Variants in MAGI2 observed in about 807,000 individuals in gnomAD.
MAGI2 encodes membrane associated guanylate kinase, WW and PDZ domain containing 2.
A neutral mutation model predicts 133.3 loss-of-function variants in MAGI2; 35 were observed. The observed-to-expected ratio is 0.26, with a 90% CI of 0.20 to 0.35. The LOEUF is 0.35. Ranked by LOEUF, MAGI2 falls within the 10% of genes least tolerant of loss-of-function variation. The pLI, the probability that MAGI2 is intolerant of heterozygous loss-of-function variation, is 1.00. For synonymous variants in MAGI2, 729 were observed against 710.6 expected (o/e 1.03, Z -0.41); for missense variants, 1,636 against 1,863.4 (o/e 0.88, Z 2.25).
At chr7:78,567,301 C>T (rs925262811) in intron 3 of MAGI2, among the ~76,000 whole-genome samples, 2 of 151,808 alleles carry the variant, frequency 1.3e-5, no homozygotes, top group Non-Finnish European at 1.5e-5. Flanking sequence ...TGCTCTATTC[C>T]AAGTAATAAC....
chr7:78,257,119 T>C (rs1333366079), intron 9 of MAGI2, among the ~76,000 whole-genome samples: 3 of 152,178 alleles, frequency 2.0e-5, no homozygotes, highest in African/African-American at 7.2e-5. Context: ...AGCTTCCATG[T>C]ATATGCGAGC....
chr7:79,141,591 A>G (rs1424632377), intron 1 of MAGI2, among the ~76,000 whole-genome samples: 3 of 152,160 alleles, frequency 2.0e-5, no homozygotes, highest in Admixed American at 2.0e-4. Flanking sequence ...TCAAAAGTCA[A>G]TAATTATTAA....
chr7:78,779,984 C>T (rs1270229909), intron 2 of MAGI2, among the ~76,000 whole-genome samples: 2 of 152,186 alleles, frequency 1.3e-5, no homozygotes, highest in Non-Finnish European at 2.9e-5. Flanking sequence ...ACTATGCTGC[C>T]ACCCTCTGGG....
intron 20 of MAGI2, among the ~76,000 whole-genome samples, chr7:78,087,145 T>C (rs1330108191): frequency 6.6e-6 from 1 of 152,196 alleles, no homozygotes; most frequent in Non-Finnish European, 1.5e-5. Flanking sequence ...TGTGCATTTC[T>C]TTAGAAGTAT....
intron 2 of MAGI2, among the ~76,000 whole-genome samples, chr7:78,645,121 TGTGTGTGTGTATGTCA>T (rs1422184474): frequency 6.6e-6 from 1 of 152,134 alleles, no homozygotes; most frequent in Admixed American, 6.6e-5. Flanking sequence ...CGTGTGTGTG[TGTGTGTGTGTATGTCA>T]GTGTGTGTCT....
At chr7:78,515,187 A>T (rs1795935638) in intron 4 of MAGI2, among the ~76,000 whole-genome samples, 1 of 152,188 alleles carries the variant, frequency 6.6e-6, no homozygotes, top group Non-Finnish European at 1.5e-5. Context: ...GCTTAACCTA[A>T]TTACTCTGGT....
intron 21 of MAGI2, among the ~76,000 whole-genome samples, chr7:78,074,847 T>G (rs1343135324): frequency 3.9e-5 from 6 of 152,190 alleles, no homozygotes; most frequent in Non-Finnish European, 8.8e-5. Flanking sequence ...GTCACTTGTA[T>G]AGTTCATAGA....
intron 1 of MAGI2, among the ~76,000 whole-genome samples, chr7:79,186,229 TATA>T (rs1827114199): frequency 7.4e-6 from 1 of 134,732 alleles, no homozygotes; most frequent in African/African-American, 2.9e-5. Flanking sequence ...TATATATATA[TATA>T]TATATATATA....
At chr7:78,690,574 T>C (rs1053253214) in intron 2 of MAGI2, among the ~76,000 whole-genome samples, 7 of 152,188 alleles carry the variant, frequency 4.6e-5, no homozygotes, top group Non-Finnish European at 5.9e-5. Flanking sequence ...GCACATTGGG[T>C]GAACTATATT....
intron 1 of MAGI2, among the ~76,000 whole-genome samples, chr7:79,191,394 TTTTC>T (rs1243553486): frequency 7.2e-6 from 1 of 139,050 alleles, no homozygotes; most frequent in African/African-American, 2.8e-5. Flanking sequence ...TTCTTTTTCT[TTTTC>T]TTTCTTTTTT....
chr7:79,438,226 A>G (rs1041136331), intron 1 of MAGI2, among the ~76,000 whole-genome samples: 5 of 152,138 alleles, frequency 3.3e-5, no homozygotes, highest in African/African-American at 1.2e-4. Context: ...TACCTCAAAC[A>G]CATTATACGA....
intron 2 of MAGI2, among the ~76,000 whole-genome samples, chr7:78,711,751 A>G (rs1476156918): frequency 6.6e-6 from 1 of 152,198 alleles, no homozygotes; most frequent in Non-Finnish European, 1.5e-5. Flanking sequence ...AGTTCTTGTG[A>G]AAGTTTGATA....
At chr7:79,396,692 C>G (rs1585831629) in intron 1 of MAGI2, among the ~76,000 whole-genome samples, 1 of 152,166 alleles carries the variant, frequency 6.6e-6, no homozygotes, top group African/African-American at 2.4e-5. Flanking sequence ...AGGTAGAAAA[C>G]TAAACTCTCT....
intron 1 of MAGI2, among the ~76,000 whole-genome samples, chr7:79,309,387 A>G (rs1838071264): frequency 6.7e-6 from 1 of 150,212 alleles, no homozygotes; most frequent in African/African-American, 2.4e-5. Flanking sequence ...GTGATATTAT[A>G]TATATTATAT....
intron 6 of MAGI2, among the ~76,000 whole-genome samples, chr7:78,405,734 T>C (rs1438926690): frequency 6.6e-6 from 1 of 152,062 alleles, no homozygotes; most frequent in Admixed American, 6.6e-5. Flanking sequence ...CTTCACAAAC[T>C]CATATTTTTA....
In MAGI2 at chr7:78,546,205, A is replaced by C. The variant is rs527264687; in HGVS notation, c.539-24560T>G. ...ATTTATAATGCTATCTTGAACATTT[A>C]ATGAGATAAGCTTGAACAAGATTTT... On this transcript the variant is annotated intron_variant, in intron 3 of 21. Coordinates refer to ENST00000354212, the MANE Select transcript of MAGI2 (RefSeq NM_012301.4). Among the ~76,000 whole-genome samples, 5 of 152,310 alleles carry C rather than the reference A, an allele frequency of 3.3e-5. No homozygotes were observed. The South Asian group carries it at 1.0e-3, about 32-fold the overall frequency.
chr7:79,308,981 T>G (rs1398930374), intron 1 of MAGI2, among the ~76,000 whole-genome samples: 1 of 152,094 alleles, frequency 6.6e-6, no homozygotes, highest in Non-Finnish European at 1.5e-5. Flanking sequence ...AAATAAAATT[T>G]TTCACTGACA....
intron 1 of MAGI2, among the ~76,000 whole-genome samples, chr7:79,042,424 A>C (rs549534970): frequency 4.6e-5 from 7 of 152,244 alleles, no homozygotes; most frequent in African/African-American, 1.7e-4. Flanking sequence ...GAGTGTCATT[A>C]CATGTGAGAT....
chr7:79,170,968 G>C (rs1825480316), intron 1 of MAGI2, among the ~76,000 whole-genome samples: 1 of 151,890 alleles, frequency 6.6e-6, no homozygotes, highest in African/African-American at 2.4e-5. Context: ...CTTTTTATTG[G>C]GCAGTCATTC....
Sources: allele counts gnomAD v4.1 joint callset (sites outside exome capture counted in the v4.1 genomes callset), GRCh38; gene constraint gnomAD v4.1.1; transcripts MANE v1.5; gene names NCBI Gene and HGNC (gene_info 2026-07-23, HGNC 2026-07-21).